Variants in CSMD1 observed in about 807,000 individuals in gnomAD.
The protein encoded by CSMD1 is CUB and Sushi multiple domains 1, also known as CUB and sushi domain-containing protein 1.
CSMD1 carries 213 observed loss-of-function variants against 417.5 expected under a neutral mutation model. That is an observed-to-expected ratio of 0.51 (90% CI 0.46 to 0.57). The LOEUF (loss-of-function observed/expected upper bound fraction) is 0.57. CSMD1 is among the 20% of genes least tolerant of loss of function. The pLI, the probability that CSMD1 is intolerant of heterozygous loss-of-function variation, is 0.00. For synonymous variants in CSMD1, 2,862 were observed against 1,736.8 expected (o/e 1.65, Z -16.11); for missense variants, 6,923 against 4,529.7 (o/e 1.53, Z -15.17).
At chr8:3,181,984 TC>T (rs914410081) in intron 36 of CSMD1, among the ~76,000 whole-genome samples, 1 of 152,194 alleles carries the variant, frequency 6.6e-6, no homozygotes, top group Admixed American at 6.5e-5. Flanking sequence ...GTCACTTTTT[TC>T]CTGATGTATG....
intron 2 of CSMD1, among the ~76,000 whole-genome samples, chr8:4,476,990 G>A (rs934889844): frequency 1.3e-5 from 2 of 152,230 alleles, no homozygotes; most frequent in Admixed American, 1.3e-4. Context: ...ATTGCTGGCT[G>A]CCTAGGATGG....
At chr8:4,096,799 C>A (rs917481138) in intron 3 of CSMD1, among the ~76,000 whole-genome samples, 1 of 152,202 alleles carries the variant, frequency 6.6e-6, no homozygotes, top group African/African-American at 2.4e-5. Flanking sequence ...CACTCCGACG[C>A]TGTCTTCTGA....
chr8:4,268,007 T>C (rs956391820), intron 3 of CSMD1, among the ~76,000 whole-genome samples: 5 of 152,118 alleles, frequency 3.3e-5, no homozygotes, highest in African/African-American at 7.2e-5. Context: ...GGGGAGCAGA[T>C]AGGAATAAGA....
At chr8:3,437,206 C>A (rs1472652403) in intron 12 of CSMD1, among the ~76,000 whole-genome samples, 5 of 152,106 alleles carry the variant, frequency 3.3e-5, no homozygotes, top group Admixed American at 2.0e-4. Context: ...CATAAAAATC[C>A]TGTCTGTTGC....
At chr8:3,769,056 G>A (rs1208992699) in intron 5 of CSMD1, among the ~76,000 whole-genome samples, 1 of 152,244 alleles carries the variant, frequency 6.6e-6, no homozygotes, top group Non-Finnish European at 1.5e-5. Context: ...TGTTTGGTTA[G>A]AAAGTCAGTC....
At chr8:3,350,720 A>C (rs1449381194) in intron 21 of CSMD1, among the ~76,000 whole-genome samples, 1 of 152,198 alleles carries the variant, frequency 6.6e-6, no homozygotes, top group Non-Finnish European at 1.5e-5. Context: ...CTATATAATC[A>C]TTTCTCATAA....
At chr8:3,545,477 C>T (rs758566467) in intron 10 of CSMD1, among the ~76,000 whole-genome samples, 1 of 152,156 alleles carries the variant, frequency 6.6e-6, no homozygotes, top group Non-Finnish European at 1.5e-5. Context: ...AGGCCTAGGT[C>T]TACAGACAAT....
At chr8:3,603,386 C>T (rs187391482) in intron 8 of CSMD1, among the ~76,000 whole-genome samples, 2 of 152,232 alleles carry the variant, frequency 1.3e-5, no homozygotes, top group Admixed American at 1.3e-4. Flanking sequence ...GCGGCAGGCT[C>T]AAATACAGCA....
intron 7 of CSMD1, among the ~76,000 whole-genome samples, chr8:3,668,341 C>A (rs1186569148): frequency 6.6e-6 from 1 of 152,118 alleles, no homozygotes; most frequent in Non-Finnish European, 1.5e-5. Context: ...CACACAGGCC[C>A]TGGGCTGTGC....
intron 1 of CSMD1, among the ~76,000 whole-genome samples, chr8:4,944,641 G>A (rs6558944): frequency 0.039 from 5,924 of 152,272 alleles, 150 homozygotes; most frequent in Non-Finnish European, 0.059. Context: ...ACAAGCATAT[G>A]AAGAGATGTT....
At chr8:4,487,549 T>A (rs1801480502) in intron 2 of CSMD1, among the ~76,000 whole-genome samples, 2 of 152,222 alleles carry the variant, frequency 1.3e-5, no homozygotes, top group Admixed American at 6.5e-5. Flanking sequence ...CCACATTTTC[T>A]TAATCCAGTC....
chr8:4,667,858 C>T (rs773282072), intron 1 of CSMD1, among the ~76,000 whole-genome samples: 10 of 152,006 alleles, frequency 6.6e-5, no homozygotes, highest in African/African-American at 9.7e-5. Context: ...CTTTTTCTAG[C>T]CTTAATGCAC....
intron 54 of CSMD1, among the ~76,000 whole-genome samples, chr8:2,984,343 T>C (rs1033712076): frequency 1.1e-4 from 17 of 152,074 alleles, no homozygotes; most frequent in African/African-American, 4.1e-4. Flanking sequence ...TGAGGCTATT[T>C]ATTTACTTTT....
intron 1 of CSMD1, among the ~76,000 whole-genome samples, chr8:4,762,212 A>G (rs532937163): frequency 6.6e-6 from 1 of 152,130 alleles, no homozygotes; most frequent in Non-Finnish European, 1.5e-5. Flanking sequence ...TGCTAAAATC[A>G]TATCTGCATG....
intron 5 of CSMD1, among the ~76,000 whole-genome samples, chr8:3,877,922 T>G (rs1805938448): frequency 6.6e-6 from 1 of 152,034 alleles, no homozygotes; most frequent in African/African-American, 2.4e-5. Flanking sequence ...TTATAGGTCG[T>G]GGCCATGACC....
At chr8:3,262,231 A>G (rs1389401230) in intron 26 of CSMD1, among the ~76,000 whole-genome samples, 1 of 89,902 alleles carries the variant, frequency 1.1e-5, no homozygotes, top group East Asian at 2.2e-4. Context: ...ATATATATAT[A>G]CACACACATA....
chr8:3,871,804 A>C (rs1805499145), intron 5 of CSMD1, among the ~76,000 whole-genome samples: 1 of 152,224 alleles, frequency 6.6e-6, no homozygotes, highest in Non-Finnish European at 1.5e-5. Flanking sequence ...GTTGATGTGA[A>C]TGAAGTGTGA....
At chr8:3,024,684 C>A (rs889754323) in intron 51 of CSMD1, among the ~76,000 whole-genome samples, 4 of 152,188 alleles carry the variant, frequency 2.6e-5, no homozygotes, top group African/African-American at 9.6e-5. Flanking sequence ...GTAATTCTCA[C>A]CACCACATTG....
chr8:3,778,203 C>T lies in CSMD1; in HGVS notation c.819-24161G>A, dbSNP rs190687898. Among the ~76,000 whole-genome samples the T allele has an allele frequency of 5.0e-3, 755 of 152,256 alleles. 4 individuals carry two copies. Among genetic ancestry groups the T allele is most frequent in the Non-Finnish European group, 8.1e-3 (553 of 68,028 alleles). ...CAGGGGGCAGGGACGGGATCCTGGC[C>T]GTTTGTCCTTTAGAGGTCTGTGGAA... On this transcript the variant is annotated intron_variant, in intron 5 of 69. Transcript: ENST00000635120.
Sources: allele counts gnomAD v4.1 joint callset (sites outside exome capture counted in the v4.1 genomes callset), GRCh38; gene constraint gnomAD v4.1.1; transcripts MANE v1.5; gene names NCBI Gene and HGNC (gene_info 2026-07-23, HGNC 2026-07-21).